PTPRG: variants seen among roughly 807,000 people sequenced by gnomAD.
PTPRG encodes receptor-type tyrosine-protein phosphatase gamma.
In PTPRG, 102 loss-of-function variants were observed where a neutral mutation model predicts 165.3. That is an observed-to-expected ratio of 0.62 (90% CI 0.53 to 0.73). PTPRG has a LOEUF of 0.73. Among genes scored for constraint, PTPRG ranks in the 30% least tolerant of loss-of-function variants. PTPRG has a pLI of 0.00. For synonymous variants in PTPRG, 675 were observed against 669.5 expected, an observed-to-expected ratio of 1.01 and a Z score of -0.13; for missense variants, 1,866 against 1,861.4, an observed-to-expected ratio of 1.00 and a Z score of -0.05.
intron 2 of PTPRG, among the ~76,000 whole-genome samples, chr3:61,853,019 T>C (rs546129729): frequency 6.6e-6 from 1 of 152,222 alleles, no homozygotes; most frequent in African/African-American, 2.4e-5. Context: ...TATTGAATGA[T>C]TTCTTTGTAA....
chr3:62,162,878 G>T (rs148176219), intron 7 of PTPRG, among the ~76,000 whole-genome samples: 1 of 152,102 alleles, frequency 6.6e-6, no homozygotes, highest in Non-Finnish European at 1.5e-5. Context: ...CTTGGTTCCC[G>T]TGCCTGCATT....
chr3:61,565,825 A>G (rs1171353956), intron 1 of PTPRG, among the ~76,000 whole-genome samples: 1 of 151,340 alleles, frequency 6.6e-6, no homozygotes, highest in African/African-American at 2.4e-5. Flanking sequence ...CTCTTATTTT[A>G]TTTGCATGTG....
intron 2 of PTPRG, among the ~76,000 whole-genome samples, chr3:61,969,679 A>G (rs969216544): frequency 1.2e-4 from 18 of 152,124 alleles, no homozygotes; most frequent in Admixed American, 1.1e-3. Flanking sequence ...CAGTCCCTGC[A>G]TCGTGCATGG....
intron 5 of PTPRG, among the ~76,000 whole-genome samples, chr3:62,120,314 G>A (rs1333223952): frequency 1.3e-5 from 1 of 78,316 alleles, no homozygotes; most frequent in Non-Finnish European, 3.2e-5. Context: ...TCATATTTAA[G>A]ATGCATTTAG....
At chr3:61,887,855 C>T (rs2038095949) in intron 2 of PTPRG, among the ~76,000 whole-genome samples, 1 of 152,210 alleles carries the variant, frequency 6.6e-6, no homozygotes, top group Admixed American at 6.5e-5. Flanking sequence ...GCTGAGGTCA[C>T]ATTCCTGGAA....
chr3:61,664,888 G>A (rs66551004), intron 1 of PTPRG, among the ~76,000 whole-genome samples: 26,865 of 152,128 alleles, frequency 0.18, 2,516 homozygotes, highest in African/African-American at 0.23. Context: ...AAGATATTGA[G>A]TAGTAGGAAG....
At chr3:61,944,392 A>G (rs924452080) in intron 2 of PTPRG, among the ~76,000 whole-genome samples, 8 of 152,172 alleles carry the variant, frequency 5.3e-5, no homozygotes, top group Admixed American at 2.0e-4. Flanking sequence ...GGCTTGTGGC[A>G]TTGTACAGCA....
At position 62,292,554 on chromosome 3, in the gene PTPRG, A is replaced by C. The variant is rs777901092; in HGVS notation, c.4189A>C (p.Ile1397Leu). ...TATGAGGCCTGGAGTATTCACAGAC[A>C]TTGTAAGTAGTTTGCTTATGTGTAA... ...NLMRPGVFTDIEQYQFIYKAM... is the reference protein window; with the variant it reads ...NLMRPGVFTDLEQYQFIYKAM... Residue 1397 changes from isoleucine (I) to leucine (L), a missense_variant and splice_region_variant, in exon 29 of 30, where the codon ATT becomes CTT. Ile to Leu is a conservative substitution (Grantham distance 5). This residue lies in a region of PTPRG where 1,452 missense variants were observed against 1,463.0 expected (regional missense o/e 0.99). Transcript: ENST00000474889. 4 of 1,612,854 alleles carry C rather than the reference A, an allele frequency of 2.5e-6. No homozygotes were observed. In the South Asian group the frequency reaches 3.3e-5, roughly 13 times the overall value.
chr3:61,643,406 C>G (rs1295198208), intron 1 of PTPRG, among the ~76,000 whole-genome samples: 1 of 152,080 alleles, frequency 6.6e-6, no homozygotes, highest in Non-Finnish European at 1.5e-5. Context: ...AGATTTGAAC[C>G]CTGATTGGAA....
chr3:62,219,615 C>T lies in PTPRG; in HGVS notation c.2288+632C>T, dbSNP rs1057497119. 6.6e-6 allele frequency among the ~76,000 whole-genome samples: 1 copy of T among 152,222 alleles called. No individual in the cohort carries two copies. The highest frequency in any genetic ancestry group is 2.4e-5 in the African/African-American group (1 of 41,468). ...TCTCAGCCAGCTCAGCTGAGCAACT[C>T]CGTCAAGCCCACTCGTTTGGCCTGG... On this transcript the variant is annotated intron_variant, in intron 13 of 29. Transcript: ENST00000474889. This position sits in a 1 kb window ranked among gnomAD's most constrained non-coding sequence, Gnocchi z 4.5.
intron 2 of PTPRG, among the ~76,000 whole-genome samples, chr3:61,807,345 T>A (rs994883314): frequency 1.3e-5 from 2 of 152,238 alleles, no homozygotes; most frequent in African/African-American, 4.8e-5. Context: ...TTAAAGTTAC[T>A]TGTCATTACT....
chr3:61,606,427 T>G (rs1559521338), intron 1 of PTPRG, among the ~76,000 whole-genome samples: 1 of 152,138 alleles, frequency 6.6e-6, no homozygotes, highest in Non-Finnish European at 1.5e-5. Context: ...TAGAATAAAT[T>G]CTCTTCATTA....
chr3:62,264,906 C>T (rs1412600486), intron 17 of PTPRG, among the ~76,000 whole-genome samples: 8 of 151,370 alleles, frequency 5.3e-5, no homozygotes, highest in Non-Finnish European at 1.2e-4. Context: ...TACGTTCCCA[C>T]CAACAATATA....
At chr3:61,620,976 T>G (rs933781367) in intron 1 of PTPRG, among the ~76,000 whole-genome samples, 1 of 150,386 alleles carries the variant, frequency 6.6e-6, no homozygotes, top group African/African-American at 2.4e-5. Context: ...TGGTCTTCAC[T>G]GATCCCATTG....
At chr3:61,647,652 C>T (rs189175232) in intron 1 of PTPRG, among the ~76,000 whole-genome samples, 112 of 152,096 alleles carry the variant, frequency 7.4e-4, no homozygotes, top group African/African-American at 2.0e-3. Context: ...ATTAGCCGGG[C>T]GTGGTGGCAG....
At chr3:61,620,095 A>C (rs1400837872) in intron 1 of PTPRG, among the ~76,000 whole-genome samples, 2 of 152,198 alleles carry the variant, frequency 1.3e-5, no homozygotes, top group African/African-American at 2.4e-5. Context: ...ATTGAGTAGA[A>C]TAATAAAAGG....
chr3:62,125,863 C>G (rs1703271373), intron 5 of PTPRG, among the ~76,000 whole-genome samples: 2 of 151,956 alleles, frequency 1.3e-5, no homozygotes, highest in Admixed American at 1.3e-4. Flanking sequence ...TTCTGGGACC[C>G]CGGCTTGAAA....
At chr3:61,723,233 A>C (rs2032123410) in intron 1 of PTPRG, among the ~76,000 whole-genome samples, 1 of 152,062 alleles carries the variant, frequency 6.6e-6, no homozygotes, top group South Asian at 2.1e-4. Flanking sequence ...GATTGACAGG[A>C]AGTTACAGAT....
intron 2 of PTPRG, among the ~76,000 whole-genome samples, chr3:61,829,203 TA>T (rs1240347356): frequency 4.6e-5 from 7 of 152,228 alleles, no homozygotes; most frequent in African/African-American, 7.2e-5. Flanking sequence ...GTGTCCCACA[TA>T]AAACATGAAG....
Sources: gnomAD v4.1 joint callset for allele counts (sites outside exome capture counted in the v4.1 genomes callset) on GRCh38, gnomAD v4.1.1 for gene constraint, gnomAD v4.1.1 regional missense constraint, Gnocchi (gnomAD v3.1) non-coding constraint, MANE v1.5 for transcripts, NCBI Gene and HGNC (gene_info 2026-07-23, HGNC 2026-07-21) for gene names.